The following PDE1A variants were observed in gnomAD, a reference collection of about 807,000 sequenced individuals.
PDE1A encodes phosphodiesterase 1A.
Under a neutral mutation model 61.7 loss-of-function variants are expected in PDE1A, and 35 were observed. That is an observed-to-expected ratio of 0.57 (90% CI 0.43 to 0.75). PDE1A has a LOEUF of 0.75. Ranked by LOEUF, PDE1A falls within the 30% of genes least tolerant of loss-of-function variation. PDE1A has a pLI of 0.00. For synonymous variants in PDE1A, 232 were observed against 213.2 expected (o/e 1.09, Z -0.77); for missense variants, 597 against 630.6 (o/e 0.95, Z 0.57).
At chr2:182,155,083 G>GTT (rs1211603930) in intron 13 of PDE1A, among the ~76,000 whole-genome samples, 1 of 86,684 alleles carries the variant, frequency 1.2e-5, no homozygotes. Flanking sequence ...TTTTAATTCT[G>GTT]CTTTTTTTTT....
chr2:182,697,884 A>G, the PDE1A span, among the ~76,000 whole-genome samples: 1 of 152,202 alleles, frequency 6.6e-6, no homozygotes, highest in African/African-American at 2.4e-5. Flanking sequence ...GGGAAAATAG[A>G]TGAGTGCTAC....
chr2:182,474,932 C>T (rs536261980), intron 2 of PDE1A, among the ~76,000 whole-genome samples: 2 of 152,022 alleles, frequency 1.3e-5, no homozygotes, highest in South Asian at 4.1e-4. Context: ...AAGATAAACA[C>T]TGCCACAGTC....
chr2:182,350,706 A>G (rs1698822840), intron 1 of PDE1A, among the ~76,000 whole-genome samples: 1 of 152,168 alleles, frequency 6.6e-6, no homozygotes, highest in African/African-American at 2.4e-5. Flanking sequence ...TTCAGACTCT[A>G]GGAGGACATT....
the PDE1A span, among the ~76,000 whole-genome samples, chr2:182,610,535 A>G: frequency 8.6e-5 from 13 of 151,658 alleles, no homozygotes; most frequent in Non-Finnish European, 1.5e-4. Context: ...AAGTCAGATT[A>G]AAAAAAAAGA....
chr2:182,587,694 C>T, the PDE1A span, among the ~76,000 whole-genome samples: 1 of 152,146 alleles, frequency 6.6e-6, no homozygotes, highest in East Asian at 1.9e-4. Context: ...CTGACTTCCC[C>T]TTTCTTAGTC....
chr2:182,612,925 G>A, the PDE1A span, among the ~76,000 whole-genome samples: 3 of 152,082 alleles, frequency 2.0e-5, no homozygotes, highest in Admixed American at 1.3e-4. Context: ...AATCTTATTC[G>A]TTTTTGCAGT....
At chr2:182,404,536 T>C (rs1414733172) in intron 1 of PDE1A, among the ~76,000 whole-genome samples, 2 of 152,266 alleles carry the variant, frequency 1.3e-5, no homozygotes, top group Non-Finnish European at 2.9e-5. Context: ...ATTTCGACTC[T>C]TTTGTAGTAA....
the PDE1A span, among the ~76,000 whole-genome samples, chr2:182,711,677 C>A: frequency 4.6e-5 from 7 of 152,100 alleles, no homozygotes; most frequent in Non-Finnish European, 1.0e-4. Flanking sequence ...CCTGGATGAG[C>A]CTCGAACATC....
chr2:182,551,446 C>T, the PDE1A span, among the ~76,000 whole-genome samples: 8 of 151,850 alleles, frequency 5.3e-5, no homozygotes, highest in South Asian at 2.1e-4. Context: ...CAGTGGGTGT[C>T]GTGGAATTTG....
At chr2:182,195,755 T>C (rs1332115934) in intron 10 of PDE1A, among the ~76,000 whole-genome samples, 2 of 152,116 alleles carry the variant, frequency 1.3e-5, no homozygotes, top group Non-Finnish European at 2.9e-5. Flanking sequence ...CCCAGTCACC[T>C]TGGCTAAATG....
intron 2 of PDE1A, among the ~76,000 whole-genome samples, chr2:182,500,094 C>T (rs549311330): frequency 3.3e-5 from 5 of 152,292 alleles, no homozygotes; most frequent in East Asian, 3.9e-4. Context: ...GCACTTCTTT[C>T]GGTGAACTCA....
At chr2:182,595,187 C>T in the PDE1A span, among the ~76,000 whole-genome samples, 1 of 152,052 alleles carries the variant, frequency 6.6e-6, no homozygotes, top group Non-Finnish European at 1.5e-5. Context: ...TAAGCAAGGC[C>T]TGAAGCTTCT....
intron 2 of PDE1A, among the ~76,000 whole-genome samples, chr2:182,470,844 G>A (rs958236814): frequency 2.6e-5 from 4 of 151,762 alleles, no homozygotes; most frequent in African/African-American, 4.8e-5. Flanking sequence ...AGGAGCATTA[G>A]GCTCAATCCA....
At chr2:182,699,701 T>A in the PDE1A span, among the ~76,000 whole-genome samples, 5 of 152,360 alleles carry the variant, frequency 3.3e-5, no homozygotes, top group Middle Eastern at 6.8e-3. Context: ...AAAATATTTC[T>A]GTATAAAGAA....
At chr2:182,566,344 T>C in the PDE1A span, among the ~76,000 whole-genome samples, 4 of 152,056 alleles carry the variant, frequency 2.6e-5, no homozygotes, top group African/African-American at 9.7e-5. Flanking sequence ...TTATATTTCA[T>C]ATAAAACTGG....
At chr2:182,531,810 C>T in the PDE1A span, among the ~76,000 whole-genome samples, 2 of 152,152 alleles carry the variant, frequency 1.3e-5, no homozygotes, top group Non-Finnish European at 2.9e-5. Context: ...ATCAACTCAT[C>T]ATTTACATTA....
chr2:182,259,292 A>G (rs1276121368), intron 2 of PDE1A, among the ~76,000 whole-genome samples: 1 of 152,166 alleles, frequency 6.6e-6, no homozygotes, highest in Non-Finnish European at 1.5e-5. Flanking sequence ...CCATAATTTT[A>G]TGCTTTCATT....
chr2:182,189,705 C>T (rs1315622800), intron 10 of PDE1A, among the ~76,000 whole-genome samples: 1 of 152,074 alleles, frequency 6.6e-6, no homozygotes, highest in East Asian at 1.9e-4. Context: ...TTAAAGAATT[C>T]CATTTATATT....
intron 2 of PDE1A, among the ~76,000 whole-genome samples, chr2:182,248,981 G>A (rs1262451298): frequency 1.3e-5 from 2 of 152,112 alleles, no homozygotes; most frequent in African/African-American, 4.8e-5. Flanking sequence ...TATATATCAG[G>A]TGACTAAACT....
Sources: allele counts gnomAD v4.1 joint callset (sites outside exome capture counted in the v4.1 genomes callset), GRCh38; gene constraint gnomAD v4.1.1; transcripts MANE v1.5; gene names NCBI Gene and HGNC (gene_info 2026-07-23, HGNC 2026-07-21).